ALK: variants seen among roughly 807,000 people sequenced by gnomAD.
The protein encoded by ALK is ALK tyrosine kinase receptor.
In ALK, 74 loss-of-function variants were observed where a neutral mutation model predicts 163.1. The ratio of observed to expected loss-of-function variants is 0.45; its 90% CI spans 0.38 to 0.55. The LOEUF (loss-of-function observed/expected upper bound fraction) is 0.55. Ranked by LOEUF, ALK falls within the 20% of genes least tolerant of loss-of-function variation. The pLI is 0.00. For missense variants in ALK, 2,063 were observed against 2,105.3 expected (o/e 0.98, Z 0.39); for synonymous variants, 960 against 843.2 (o/e 1.14, Z -2.40).
At position 29,920,839 on chromosome 2, in the gene ALK, G is replaced by T. The variant is rs547699380; in HGVS notation, c.-180C>A. The stretch of plus-strand genomic sequence containing the variant: ...CCCCCAACTGCACGGAGGCGAGCAG[G>T]AGTCTAAATGAAACAGACCTGGAAG... On this transcript the variant is annotated 5_prime_UTR_variant, in exon 1 of 29. Transcript: ENST00000389048. The T allele has an allele frequency of 4.9e-6, 3 of 618,382 alleles. No homozygotes were observed. The highest frequency in any genetic ancestry group is 4.4e-4 in the Middle Eastern group (1 of 2,282). 38.3% of individuals were successfully genotyped at this position (618,382 alleles called of 1,614,324 possible).
chr2:29,631,525 A>C (rs1573513083), intron 3 of ALK, among the ~76,000 whole-genome samples: 1 of 152,248 alleles, frequency 6.6e-6, no homozygotes, highest in Non-Finnish European at 1.5e-5. Context: ...CAGGACTGGA[A>C]CAGGAGTTGG....
intron 4 of ALK, among the ~76,000 whole-genome samples, chr2:29,400,741 G>A (rs1288730605): frequency 6.6e-6 from 1 of 152,164 alleles, no homozygotes; most frequent in East Asian, 1.9e-4. Flanking sequence ...TTGGGATGCT[G>A]AGATCGGCAG....
chr2:29,254,145 T>G (rs1664896045), intron 11 of ALK, among the ~76,000 whole-genome samples: 1 of 152,212 alleles, frequency 6.6e-6, no homozygotes, highest in Non-Finnish European at 1.5e-5. Context: ...TTGCTTCCCC[T>G]TCTGCCATAA....
chr2:29,243,005 C>G (rs1664563481), intron 12 of ALK, among the ~76,000 whole-genome samples: 1 of 152,220 alleles, frequency 6.6e-6, no homozygotes, highest in South Asian at 2.1e-4. Context: ...CTCATCAGTC[C>G]CCTGAAGCCT....
intron 4 of ALK, among the ~76,000 whole-genome samples, chr2:29,523,244 C>T (rs1172595762): frequency 2.0e-5 from 3 of 152,208 alleles, no homozygotes; most frequent in African/African-American, 4.8e-5. Context: ...ATCCACCTGA[C>T]ACCCCTTGCC....
intron 1 of ALK, among the ~76,000 whole-genome samples, chr2:29,797,812 A>AT (rs949438165): frequency 1.6e-3 from 241 of 147,774 alleles, no homozygotes; most frequent in Middle Eastern, 3.5e-3. Context: ...GATAAATAGG[A>AT]TTTTTTTTTT....
At position 29,920,802 on chromosome 2, in the gene ALK, G is replaced by C. The variant is rs1234027838; in HGVS notation, c.-143C>G. On this transcript the variant is annotated 5_prime_UTR_variant, in exon 1 of 29. Transcript: ENST00000389048. Reference sequence around the variant, plus strand: ...TCCAGAGGACTGTGCGTGCGCGCAAGTCTCTTGCTTTCCCCCAACTGCACG... The same window carrying C: ...TCCAGAGGACTGTGCGTGCGCGCAACTCTCTTGCTTTCCCCCAACTGCACG... 5 of 738,496 alleles carry C rather than the reference G, an allele frequency of 6.8e-6. No individual in the cohort carries two copies. Among genetic ancestry groups the C allele is most frequent in the Non-Finnish European group, 8.7e-6 (4 of 458,522 alleles). The allele number at this position is 738,496 out of a possible 1,614,324, so 45.7% of individuals were successfully genotyped here. A position where few individuals can be genotyped will look rare whatever the true frequency, so the allele number is the denominator to read the frequency against.
In ALK at chr2:29,706,652, C is replaced by T. The variant is rs137940939; in HGVS notation, c.787+10926G>A. Among the ~76,000 whole-genome samples the T allele has an allele frequency of 1.8e-3, 270 of 152,228 alleles. 2 individuals carry two copies. The highest frequency in any genetic ancestry group is 6.2e-3 in the African/African-American group (257 of 41,554). On this transcript the variant is annotated intron_variant, in intron 2 of 28. Transcript: ENST00000389048. ...AGAGGGCAGTGTGTGTGCGCACGTG[C>T]ACATGTGCACACTGCAGTGGGAGAT...
At chr2:29,773,364 T>G (rs939888385) in intron 1 of ALK, among the ~76,000 whole-genome samples, 1 of 152,168 alleles carries the variant, frequency 6.6e-6, no homozygotes, top group Non-Finnish European at 1.5e-5. Flanking sequence ...AAACAGAGAA[T>G]TGGCCAAAAC....
intron 1 of ALK, among the ~76,000 whole-genome samples, chr2:29,762,064 G>C (rs1055975699): frequency 2.0e-5 from 3 of 152,160 alleles, no homozygotes; most frequent in Non-Finnish European, 2.9e-5. Context: ...ATCGGTAAAG[G>C]GGGAAAGAAA....
chr2:29,812,354 G>A (rs1391507429), intron 1 of ALK, among the ~76,000 whole-genome samples: 9 of 152,074 alleles, frequency 5.9e-5, no homozygotes, highest in South Asian at 2.1e-4. Flanking sequence ...AAATACCCCC[G>A]CCATCATCAA....
intron 3 of ALK, among the ~76,000 whole-genome samples, chr2:29,624,603 G>C (rs895987084): frequency 6.6e-6 from 1 of 152,166 alleles, no homozygotes; most frequent in Non-Finnish European, 1.5e-5. Context: ...GCAGGGGATG[G>C]GGGGAGGGAG....
chr2:29,204,388 G>A (rs1669261240), intron 26 of ALK, among the ~76,000 whole-genome samples: 1 of 150,140 alleles, frequency 6.7e-6, no homozygotes, highest in Non-Finnish European at 1.5e-5. Context: ...CAACACCTCC[G>A]ACTTTCCTCG....
At chr2:29,232,813 T>C (rs1664254372) in intron 14 of ALK, among the ~76,000 whole-genome samples, 1 of 152,212 alleles carries the variant, frequency 6.6e-6, no homozygotes, top group Non-Finnish European at 1.5e-5. Context: ...AGCAGGTCTC[T>C]CTATGCTCTC....
At chr2:29,773,818 C>T (rs1049325975) in intron 1 of ALK, among the ~76,000 whole-genome samples, 6 of 152,030 alleles carry the variant, frequency 3.9e-5, no homozygotes, top group African/African-American at 9.7e-5. Context: ...AATTTAGAAT[C>T]GTGAAGGGAA....
intron 4 of ALK, among the ~76,000 whole-genome samples, chr2:29,524,637 A>C (rs925307238): frequency 1.3e-5 from 2 of 152,278 alleles, no homozygotes; most frequent in African/African-American, 4.8e-5. Flanking sequence ...TTTACCATGA[A>C]TATTAACAAC....
chr2:29,558,005 A>G (rs1397137237), intron 3 of ALK, among the ~76,000 whole-genome samples: 1 of 152,216 alleles, frequency 6.6e-6, no homozygotes. Flanking sequence ...AGGTCTGGCC[A>G]GTGATGTCTA....
intron 6 of ALK, 39 bp downstream of exon 6, chr2:29,328,311 G>A (rs1667335674): frequency 6.2e-7 from 1 of 1,613,840 alleles, no homozygotes. Context: ...ATGAGCATGG[G>A]CTGGGCTCAG....
chr2:29,244,881 C>T (rs892095948), intron 12 of ALK, among the ~76,000 whole-genome samples: 1 of 152,266 alleles, frequency 6.6e-6, no homozygotes, highest in African/African-American at 2.4e-5. Flanking sequence ...TTAAACTTTT[C>T]TGTCCTGTGG....
Sources: gnomAD v4.1 joint callset for allele counts (sites outside exome capture counted in the v4.1 genomes callset) on GRCh38, gnomAD v4.1.1 for gene constraint, MANE v1.5 for transcripts, NCBI Gene and HGNC (gene_info 2026-07-23, HGNC 2026-07-21) for gene names.